UBN2: variants seen among roughly 807,000 people sequenced by gnomAD.
UBN2 encodes ubinuclein 2, also known as ubinuclein-2.
UBN2 carries 35 observed loss-of-function variants against 120.2 expected under a neutral mutation model. The observed-to-expected ratio is 0.29, with a 90% CI of 0.22 to 0.39. UBN2 has a LOEUF of 0.39. UBN2 is among the 10% of genes least tolerant of loss of function. UBN2 has a pLI of 1.00. For synonymous variants in UBN2, 661 were observed against 648.7 expected, an observed-to-expected ratio of 1.02 and a Z score of -0.29; for missense variants, 1,693 against 1,663.2, an observed-to-expected ratio of 1.02 and a Z score of -0.31.
intron 2 of UBN2, among the ~76,000 whole-genome samples, chr7:139,244,522 A>G (rs923656502): frequency 1.5e-4 from 23 of 152,098 alleles, no homozygotes; most frequent in Admixed American, 7.9e-4. Flanking sequence ...AAAAAGTTAG[A>G]TCACCTGAGC....
intron 15 of UBN2, among the ~76,000 whole-genome samples, chr7:139,285,917 A>T (rs1414012619): frequency 6.6e-6 from 1 of 151,332 alleles, no homozygotes; most frequent in Non-Finnish European, 1.5e-5. Flanking sequence ...TAATTTTTGT[A>T]TATTTATTTA....
downstream of UBN2, among the ~76,000 whole-genome samples, chr7:139,309,606 T>C (rs553064761): frequency 3.3e-5 from 5 of 152,322 alleles, no homozygotes; most frequent in East Asian, 9.6e-4. Flanking sequence ...TTCATGTAAT[T>C]CCAATTAACA....
In UBN2 at chr7:139,231,244, T is replaced by C. The variant is rs1795996853; in HGVS notation, c.-241T>C. Among the ~76,000 whole-genome samples, 1 of 152,222 alleles carries C rather than the reference T, an allele frequency of 6.6e-6. No individual in the cohort carries two copies. The highest frequency in any genetic ancestry group is 1.5e-5 in the Non-Finnish European group (1 of 68,032). ...ATGCGCCCGCTCAGCGGCCTGCTTC[T>C]ATTTATGTGGGGGATCCAACATGGC... is the stretch of plus-strand genomic sequence containing the variant. On this transcript the variant is annotated 5_prime_UTR_variant, in exon 1 of 18. Transcript: ENST00000473989.
At chr7:139,320,107 ACT>A in the UBN2 span, among the ~76,000 whole-genome samples, 1 of 151,374 alleles carries the variant, frequency 6.6e-6, no homozygotes, top group Non-Finnish European at 1.5e-5. Context: ...TTCACCCAAC[ACT>A]CAAAGTAGTC....
At chr7:139,252,173 C>T in intron 3 of UBN2, 116 bp downstream of exon 3, 2 of 766,570 alleles carry the variant, frequency 2.6e-6, no homozygotes, top group Non-Finnish European at 2.1e-6. Context: ...CTTTTTAAAG[C>T]CATGTTCACT....
chr7:139,323,602 T>C, the UBN2 span, among the ~76,000 whole-genome samples: 1 of 145,262 alleles, frequency 6.9e-6, no homozygotes, highest in Non-Finnish European at 1.5e-5. Flanking sequence ...ATTATTATTA[T>C]TTTTGAGACG....
intron 1 of UBN2, 76 bp downstream of exon 1, chr7:139,232,028 C>T (rs965996711): frequency 3.5e-5 from 50 of 1,445,962 alleles, no homozygotes; most frequent in Admixed American, 1.1e-4. Flanking sequence ...TGGTTTGCAC[C>T]TTGGGACGCC....
rs575238665 is a variant in UBN2 at position 139,304,319 on chromosome 7, G to A, written c.*6483G>A. ...GCAGGATTCACTTTCTAACTGGGTC[G>A]GGGTGGGGAAGGTCAGGGTAGAAGG... On this transcript the variant is annotated 3_prime_UTR_variant, in exon 18 of 18. Transcript: ENST00000473989. 1.9e-4 allele frequency: 29 copies of A among 152,256 alleles called. No homozygotes were observed. Among genetic ancestry groups the A allele is most frequent in the African/African-American group, 6.7e-4 (28 of 41,564 alleles). The allele number at this position is 152,256 out of a possible 1,614,324, so 9.4% of individuals were successfully genotyped here.
rs1211436100 is a variant in UBN2 at position 139,300,787 on chromosome 7, T to C, written c.*2951T>C. On this transcript the variant is annotated 3_prime_UTR_variant, in exon 18 of 18. Coordinates refer to ENST00000473989, the MANE Select transcript of UBN2 (RefSeq NM_173569.4). ...GTACATACAAGTTAATCCTCAGTAT[T>C]CACAAGCAATAACAGTCAGCAGGGT... 1 of 152,184 alleles carries C rather than the reference T, an allele frequency of 6.6e-6. No individual in the cohort carries two copies. The highest frequency in any genetic ancestry group is 1.5e-5 in the Non-Finnish European group (1 of 68,032). The allele number at this position is 152,184 out of a possible 1,614,324, so 9.4% of individuals were successfully genotyped here.
chr7:139,310,600 G>A (rs879256015), downstream of UBN2, among the ~76,000 whole-genome samples: 2 of 152,006 alleles, frequency 1.3e-5, no homozygotes, highest in Non-Finnish European at 2.9e-5. Context: ...GTGAAACCCC[G>A]TCTCTACCAA....
At chr7:139,321,888 G>A in the UBN2 span, among the ~76,000 whole-genome samples, 18 of 152,234 alleles carry the variant, frequency 1.2e-4, no homozygotes, top group African/African-American at 3.9e-4. Context: ...GTGACCCCAC[G>A]GACTCCAGGC....
chr7:139,241,937 G>C (rs981316666), intron 2 of UBN2, among the ~76,000 whole-genome samples: 8 of 152,144 alleles, frequency 5.3e-5, no homozygotes, highest in African/African-American at 1.7e-4. Context: ...GGCAGAGATT[G>C]CAGTGAGCCG....
chr7:139,234,880 G>A (rs1232054458), intron 1 of UBN2, among the ~76,000 whole-genome samples: 1 of 152,192 alleles, frequency 6.6e-6, no homozygotes, highest in East Asian at 1.9e-4. Context: ...TGAAAATGGT[G>A]TTGATGAGTT....
chr7:139,235,365 T>A (rs1018085815), intron 1 of UBN2, among the ~76,000 whole-genome samples: 23 of 152,292 alleles, frequency 1.5e-4, no homozygotes, highest in African/African-American at 5.3e-4. Context: ...ATCATGTTTA[T>A]GTTTTTCATT....
At chr7:139,318,820 C>T in the UBN2 span, among the ~76,000 whole-genome samples, 1 of 152,062 alleles carries the variant, frequency 6.6e-6, no homozygotes, top group Non-Finnish European at 1.5e-5. Flanking sequence ...TTCTGGGCCT[C>T]GAAGTTAGGA....
intron 2 of UBN2, among the ~76,000 whole-genome samples, chr7:139,251,317 A>G (rs938548083): frequency 2.6e-5 from 4 of 152,104 alleles, no homozygotes; most frequent in Admixed American, 2.0e-4. Flanking sequence ...ACATCTTGCA[A>G]TTTGTATGTT....
chr7:139,275,498 G>C (rs1321843820), intron 11 of UBN2, among the ~76,000 whole-genome samples: 3 of 151,638 alleles, frequency 2.0e-5, no homozygotes, highest in African/African-American at 7.3e-5. Flanking sequence ...CAGGAGAATG[G>C]CGTGAACCTG....
the UBN2 span, among the ~76,000 whole-genome samples, chr7:139,325,611 G>A: frequency 3.3e-5 from 5 of 151,998 alleles, no homozygotes; most frequent in African/African-American, 4.8e-5. Context: ...CATCACACTC[G>A]ACAGAAGTGC....
At chr7:139,258,894 A>G (rs1358148128) in intron 4 of UBN2, among the ~76,000 whole-genome samples, 1 of 152,150 alleles carries the variant, frequency 6.6e-6, no homozygotes, top group Non-Finnish European at 1.5e-5. Flanking sequence ...TATTTCTCGG[A>G]TAGGTTAATA....
Sources: allele counts gnomAD v4.1 joint callset (sites outside exome capture counted in the v4.1 genomes callset), GRCh38; gene constraint gnomAD v4.1.1; transcripts MANE v1.5; gene names NCBI Gene and HGNC (gene_info 2026-07-23, HGNC 2026-07-21).